UACA: variants seen among roughly 807,000 people sequenced by gnomAD.
UACA encodes uveal autoantigen with coiled-coil domains and ankyrin repeats, also known as nuclear membrane binding protein.
Under a neutral mutation model 160.5 loss-of-function variants are expected in UACA, and 112 were observed. That is an observed-to-expected ratio of 0.70 (90% CI 0.60 to 0.82). The LOEUF is 0.82. Among genes scored for constraint, UACA ranks in the 40% least tolerant of loss-of-function variants. The probability of loss-of-function intolerance (pLI) is 0.00; values close to 1 mark genes in which losing one functional copy is unlikely to be tolerated. For missense variants in UACA, 1,574 were observed against 1,614.6 expected (o/e 0.97, Z 0.43); for synonymous variants, 557 against 568.4 (o/e 0.98, Z 0.29).
intron 18 of UACA, among the ~76,000 whole-genome samples, chr15:70,659,391 G>GTTTTTTTTTTTTTTTTTT (rs1375150038): frequency 5.0e-4 from 5 of 9,958 alleles, no homozygotes; most frequent in Non-Finnish European, 8.4e-4. Context: ...TTCATTTTTT[G>GTTTTTTTTTTTTTTTTTT]TTTGTTTTTT....
chr15:70,706,190 A>G (rs1898518562), intron 1 of UACA, among the ~76,000 whole-genome samples: 2 of 152,174 alleles, frequency 1.3e-5, no homozygotes, highest in African/African-American at 4.8e-5. Flanking sequence ...TGATCATATA[A>G]GTTGATATAG....
chr15:70,701,777 A>G, intron 1 of UACA: 1 of 1,195,108 alleles, frequency 8.4e-7, no homozygotes, highest in Non-Finnish European at 1.2e-6. Context: ...AAAACAATAA[A>G]GCAAACCAAA....
At chr15:70,716,756 T>C (rs1267343877) in intron 1 of UACA, among the ~76,000 whole-genome samples, 1 of 152,142 alleles carries the variant, frequency 6.6e-6, no homozygotes, top group Non-Finnish European at 1.5e-5. Context: ...TTAGAAAAAG[T>C]ATTTTTCCTC....
At chr15:70,754,601 C>T (rs1419405882) in intron 1 of UACA, among the ~76,000 whole-genome samples, 1 of 152,210 alleles carries the variant, frequency 6.6e-6, no homozygotes, top group Non-Finnish European at 1.5e-5. Context: ...TATAAAAATA[C>T]AACTCATCGA....
At chr15:70,670,102 A>T (rs755361104) in intron 15 of UACA, among the ~76,000 whole-genome samples, 2 of 152,140 alleles carry the variant, frequency 1.3e-5, no homozygotes, top group Non-Finnish European at 2.9e-5. Flanking sequence ...CTCCCAATAG[A>T]CAGAAAACAC....
intron 11 of UACA, 111 bp from the exon 12 acceptor site, chr15:70,677,251 C>T (rs1233434112): frequency 2.7e-6 from 2 of 736,832 alleles, no homozygotes; most frequent in Non-Finnish European, 4.5e-6. Flanking sequence ...AAGACTAGGG[C>T]CAAGGATATG....
chr15:70,736,622 G>A (rs913010156), intron 1 of UACA, among the ~76,000 whole-genome samples: 2 of 152,020 alleles, frequency 1.3e-5, no homozygotes, highest in Non-Finnish European at 2.9e-5. Context: ...TATATTTTTA[G>A]TAGAGAGGGG....
chr15:70,766,829 C>G (rs943500069), upstream of UACA, among the ~76,000 whole-genome samples: 2 of 152,160 alleles, frequency 1.3e-5, no homozygotes, highest in Admixed American at 6.5e-5. Context: ...GCAGAGGATA[C>G]CCAGGGGACC....
At chr15:70,703,156 T>C (rs1053484311) in intron 1 of UACA, 24 of 1,289,022 alleles carry the variant, frequency 1.9e-5, no homozygotes, top group Non-Finnish European at 2.2e-5. Context: ...CCGGTGCAAA[T>C]TCAGGGTGGT....
rs528737758 is a variant in UACA, at chr15:70,662,727, T to C, written c.4113+1935A>G. Among the ~76,000 whole-genome samples, 16 of 152,312 alleles carry C rather than the reference T, an allele frequency of 1.1e-4. No homozygotes were observed. In the South Asian group the frequency reaches 3.3e-3, roughly 32 times the overall value. On this transcript the variant is annotated intron_variant, in intron 17 of 18. Transcript: ENST00000322954. ...ATGCCACATATCTACAACTATCTGA[T>C]CTTTGACAAACCTGACAAAAACAAG...
intron 1 of UACA, among the ~76,000 whole-genome samples, chr15:70,727,262 A>G (rs1282121589): frequency 1.3e-5 from 2 of 152,228 alleles, no homozygotes; most frequent in African/African-American, 4.8e-5. Flanking sequence ...TTTGGGGAGA[A>G]GAGAAAGTAA....
chr15:70,763,535 G>C lies in UACA; in HGVS notation c.-128C>G. The C allele has an allele frequency of 2.4e-6, 3 of 1,245,254 alleles. No homozygotes were observed. Among genetic ancestry groups the C allele is most frequent in the South Asian group, 3.7e-5 (1 of 27,254 alleles). The allele number at this position is 1,245,254 out of a possible 1,614,324, so 77.1% of individuals were successfully genotyped here. On this transcript the variant is annotated 5_prime_UTR_variant, in exon 1 of 19. Coordinates refer to ENST00000322954, the MANE Select transcript of UACA (RefSeq NM_018003.4). ...CCAGCCCCACCTGCCTGCCACCTGCGGGCCCCGGGCAGCAGACGTCGACAG... is the reference window on the plus strand; with the variant it reads ...CCAGCCCCACCTGCCTGCCACCTGCCGGCCCCGGGCAGCAGACGTCGACAG...
intron 17 of UACA, among the ~76,000 whole-genome samples, chr15:70,661,867 A>G (rs1252951725): frequency 6.6e-6 from 1 of 152,204 alleles, no homozygotes; most frequent in African/African-American, 2.4e-5. Context: ...ATCTCAAAAT[A>G]ATAAGAGCTA....
At chr15:70,747,527 T>A (rs971249817) in intron 1 of UACA, among the ~76,000 whole-genome samples, 2 of 151,908 alleles carry the variant, frequency 1.3e-5, no homozygotes, top group Non-Finnish European at 2.9e-5. Context: ...ACCTGGCTAA[T>A]TTTTTTTAAG....
chr15:70,772,039 T>C, the UACA span, among the ~76,000 whole-genome samples: 33 of 152,322 alleles, frequency 2.2e-4, no homozygotes, highest in African/African-American at 7.0e-4. Flanking sequence ...ATCTTATTTA[T>C]ATACTAAAAA....
At chr15:70,762,050 T>A (rs1395274673) in intron 1 of UACA, among the ~76,000 whole-genome samples, 1 of 152,088 alleles carries the variant, frequency 6.6e-6, no homozygotes, top group African/African-American at 2.4e-5. Flanking sequence ...GTTACTTTTT[T>A]TAAAAAAAAA....
chr15:70,675,907 C>G (rs1897291242), intron 13 of UACA, among the ~76,000 whole-genome samples: 1 of 152,140 alleles, frequency 6.6e-6, no homozygotes, highest in Non-Finnish European at 1.5e-5. Flanking sequence ...AGGCCCTCAC[C>G]AGACATGAAC....
At chr15:70,683,914 C>T (rs530428705) in intron 8 of UACA, among the ~76,000 whole-genome samples, 1 of 147,784 alleles carries the variant, frequency 6.8e-6, no homozygotes, top group East Asian at 2.0e-4. Context: ...CATGTTTAAA[C>T]AATGATTCTT....
chr15:70,673,930 C>A (rs984796651), intron 13 of UACA, among the ~76,000 whole-genome samples: 1 of 152,134 alleles, frequency 6.6e-6, no homozygotes, highest in African/African-American at 2.4e-5. Context: ...GGCATGATCT[C>A]GGCTCATTGC....
Sources: gnomAD v4.1 joint callset for allele counts (sites outside exome capture counted in the v4.1 genomes callset) on GRCh38, gnomAD v4.1.1 for gene constraint, MANE v1.5 for transcripts, NCBI Gene and HGNC (gene_info 2026-07-23, HGNC 2026-07-21) for gene names.